Variants in KYNU observed in about 807,000 individuals in gnomAD.
KYNU encodes kynureninase.
In KYNU, 54 loss-of-function variants were observed where a neutral mutation model predicts 59.2. The ratio of observed to expected loss-of-function variants is 0.91; its 90% CI spans 0.73 to 1.14. The LOEUF is 1.14. Ranked by LOEUF, KYNU falls within the 50% of genes most tolerant of loss-of-function variation. The pLI is 0.00. For missense variants in KYNU, 567 were observed against 554.4 expected (o/e 1.02, Z -0.23); for synonymous variants, 177 against 192.0 (o/e 0.92, Z 0.65).
intron 8 of KYNU, among the ~76,000 whole-genome samples, chr2:142,969,831 G>GT (rs1012610358): frequency 1.3e-5 from 2 of 152,190 alleles, no homozygotes; most frequent in African/African-American, 4.8e-5. Flanking sequence ...TTACACTTAA[G>GT]TTTTTTGTAG....
chr2:142,965,916 T>G (rs958885508), intron 8 of KYNU, among the ~76,000 whole-genome samples: 1 of 152,178 alleles, frequency 6.6e-6, no homozygotes, highest in Non-Finnish European at 1.5e-5. Flanking sequence ...TTCCTTTTTT[T>G]CTATCCCTTT....
intron 10 of KYNU, among the ~76,000 whole-genome samples, chr2:143,011,179 C>T (rs78076342): frequency 6.9e-6 from 1 of 144,212 alleles, no homozygotes; most frequent in Non-Finnish European, 1.5e-5. Context: ...AAAGGGCTAA[C>T]ATCCAGAATC....
intron 4 of KYNU, among the ~76,000 whole-genome samples, chr2:142,930,794 A>G (rs1427713428): frequency 1.3e-5 from 2 of 152,202 alleles, no homozygotes; most frequent in African/African-American, 4.8e-5. Context: ...TTAACATATG[A>G]ATTTGGGGCC....
rs1161030611 is a variant in KYNU, at chr2:142,954,888, A to G, written c.435+17A>G. The G allele has an allele frequency of 6.1e-6, 9 of 1,475,706 alleles. No individual in the cohort carries two copies. Among genetic ancestry groups the G allele is most frequent in the Non-Finnish European group, 7.6e-6 (8 of 1,054,538 alleles). 91.4% of individuals were successfully genotyped at this position (1,475,706 alleles called of 1,614,324 possible). A position where few individuals can be genotyped will look rare whatever the true frequency, so the allele number is the denominator to read the frequency against. On this transcript the variant is annotated intron_variant, in intron 5 of 13. Coordinates refer to ENST00000264170, the MANE Select transcript of KYNU (RefSeq NM_003937.3). ...CTTCTAATGGTAAGTTTTCTTTCCC[A>G]CTAATGTTTAGAACACATTCATTTA...
intron 2 of KYNU, among the ~76,000 whole-genome samples, chr2:142,890,346 G>T (rs1039623841): frequency 1.3e-5 from 2 of 151,854 alleles, no homozygotes; most frequent in Non-Finnish European, 2.9e-5. Flanking sequence ...TATGGCTTTT[G>T]CACAGACACA....
chr2:142,892,105 G>A (rs1420246911), intron 2 of KYNU, among the ~76,000 whole-genome samples: 1 of 152,114 alleles, frequency 6.6e-6, no homozygotes, highest in African/African-American at 2.4e-5. Context: ...GTGGAGACAG[G>A]GTTTCACCAT....
chr2:143,029,704 G>A (rs1416930264), intron 11 of KYNU, 25 bp downstream of exon 11: 5 of 1,356,622 alleles, frequency 3.7e-6, no homozygotes, highest in Non-Finnish European at 5.3e-6. Context: ...TTTACCTAAT[G>A]CCATTTTTAT....
At chr2:142,954,738 C>A in intron 4 of KYNU, 72 bp from the exon 5 acceptor site, 2 of 948,528 alleles carry the variant, frequency 2.1e-6, no homozygotes, top group Admixed American at 1.7e-5. Flanking sequence ...TGAGTGAAGT[C>A]TTCCTACTTT....
chr2:142,898,871 C>T lies in KYNU; in HGVS notation c.169+13335C>T, dbSNP rs60214522. 3.3e-5 allele frequency among the ~76,000 whole-genome samples: 5 copies of T among 152,218 alleles called. No individual in the cohort carries two copies. In the East Asian group the frequency reaches 5.8e-4, roughly 18 times the overall value. On this transcript the variant is annotated intron_variant, in intron 2 of 13. Coordinates refer to ENST00000264170, the MANE Select transcript of KYNU (RefSeq NM_003937.3). ...CACGGAAGAAAACCATGGAACCCAG[C>T]GACTAGTGTTCAGCTTGATTAGGAT...
intron 2 of KYNU, among the ~76,000 whole-genome samples, chr2:142,911,450 G>A (rs1682477232): frequency 6.6e-6 from 1 of 152,112 alleles, no homozygotes; most frequent in Non-Finnish European, 1.5e-5. Flanking sequence ...GCAGTTCTAG[G>A]AGAATTTTGG....
At chr2:142,883,434 G>T (rs907229532) in intron 1 of KYNU, among the ~76,000 whole-genome samples, 2 of 151,742 alleles carry the variant, frequency 1.3e-5, no homozygotes. Context: ...TCCTGACCTC[G>T]TGATCCGCCT....
At chr2:143,041,936 T>C in intron 13 of KYNU, 111 bp from the exon 14 acceptor site, 1 of 1,132,482 alleles carries the variant, frequency 8.8e-7, no homozygotes. Flanking sequence ...GCATATATAT[T>C]AATTTTTAGG....
At chr2:142,998,416 T>C (rs1266980864) in intron 10 of KYNU, among the ~76,000 whole-genome samples, 1 of 152,230 alleles carries the variant, frequency 6.6e-6, no homozygotes, top group Non-Finnish European at 1.5e-5. Context: ...TTCCAAGTGA[T>C]GGATCTTAAA....
At chr2:142,998,297 TC>T (rs1685603543) in intron 10 of KYNU, among the ~76,000 whole-genome samples, 1 of 152,338 alleles carries the variant, frequency 6.6e-6, no homozygotes, top group Middle Eastern at 3.4e-3. Flanking sequence ...ATAAACTAAT[TC>T]AGTGGTTTTT....
chr2:143,017,176 T>C (rs352932), intron 10 of KYNU, among the ~76,000 whole-genome samples: 18,719 of 152,140 alleles, frequency 0.12, 1,325 homozygotes, highest in East Asian at 0.25. Context: ...GCTGATTCCA[T>C]GTCTGTGCTA....
At chr2:142,992,257 C>T (rs1240774700) in intron 10 of KYNU, among the ~76,000 whole-genome samples, 2 of 151,586 alleles carry the variant, frequency 1.3e-5, no homozygotes, top group Non-Finnish European at 2.9e-5. Context: ...ACTGGAATAT[C>T]AGGCATTCAA....
intron 4 of KYNU, among the ~76,000 whole-genome samples, chr2:142,929,264 G>A (rs1683135647): frequency 6.8e-6 from 1 of 147,864 alleles, no homozygotes; most frequent in Non-Finnish European, 1.5e-5. Flanking sequence ...AAATTACAAA[G>A]TCTAAACTGC....
At position 143,046,558 on chromosome 2, in the gene KYNU, A is replaced by G. The variant is rs991738542; in HGVS notation, c.*4386A>G. The G allele has an allele frequency of 4.0e-5, 6 of 151,680 alleles. No homozygotes were observed. The highest frequency in any genetic ancestry group is 1.5e-4 in the African/African-American group (6 of 41,352). The allele number at this position is 151,680 out of a possible 1,614,324, so 9.4% of individuals were successfully genotyped here. ...TCATAAGCCAGGTTTCTATATATCT[A>G]TATAAATATAGATATGTAGATATAT... On this transcript the variant is annotated 3_prime_UTR_variant, in exon 14 of 14. Coordinates refer to ENST00000264170, the MANE Select transcript of KYNU (RefSeq NM_003937.3).
intron 4 of KYNU, chr2:142,948,200 A>G (rs1332456057): frequency 2.0e-5 from 3 of 152,132 alleles, no homozygotes; most frequent in East Asian, 3.8e-4. Context: ...TTGAACTTCT[A>G]AGTTTCTTTC....
Sources: gnomAD v4.1 joint callset for allele counts (sites outside exome capture counted in the v4.1 genomes callset) on GRCh38, gnomAD v4.1.1 for gene constraint, MANE v1.5 for transcripts, NCBI Gene and HGNC (gene_info 2026-07-23, HGNC 2026-07-21) for gene names.